Variants in DGKB observed in about 807,000 individuals in gnomAD.
DGKB encodes diacylglycerol kinase beta, also known as 90 kDa diacylglycerol kinase.
Under a neutral mutation model 114.3 loss-of-function variants are expected in DGKB, and 67 were observed. The ratio of observed to expected loss-of-function variants is 0.59; its 90% CI spans 0.48 to 0.72. The LOEUF is 0.72. Among genes scored for constraint, DGKB ranks in the 30% least tolerant of loss-of-function variants. The probability of loss-of-function intolerance (pLI) is 0.00; values close to 1 mark genes in which losing one functional copy is unlikely to be tolerated. For missense variants in DGKB, 907 were observed against 975.2 expected, an observed-to-expected ratio of 0.93 and a Z score of 0.93; for synonymous variants, 398 against 323.1, an observed-to-expected ratio of 1.23 and a Z score of -2.49.
chr7:14,293,286 G>T (rs1238581399), intron 23 of DGKB, among the ~76,000 whole-genome samples: 3 of 152,126 alleles, frequency 2.0e-5, no homozygotes, highest in African/African-American at 2.4e-5. Context: ...ACCTGAATTT[G>T]CAGGTGCATG....
chr7:14,893,754 A>G (rs1424617777), intron 1 of DGKB, among the ~76,000 whole-genome samples: 1 of 151,310 alleles, frequency 6.6e-6, no homozygotes. Flanking sequence ...GTAAATTTCT[A>G]TTCTTCCCTC....
intron 1 of DGKB, among the ~76,000 whole-genome samples, chr7:14,919,193 A>C (rs968882043): frequency 6.6e-6 from 1 of 152,012 alleles, no homozygotes; most frequent in Admixed American, 6.6e-5. Flanking sequence ...ACAAAGTCGG[A>C]GGACTGACAC....
At chr7:14,517,868 G>A (rs1789102607) in intron 20 of DGKB, among the ~76,000 whole-genome samples, 1 of 152,154 alleles carries the variant, frequency 6.6e-6, no homozygotes, top group East Asian at 1.9e-4. Context: ...AGGTGGGAAT[G>A]TAAATGAGTT....
At chr7:14,152,081 C>A (rs1330051338) in intron 25 of DGKB, among the ~76,000 whole-genome samples, 1 of 151,922 alleles carries the variant, frequency 6.6e-6, no homozygotes, top group African/African-American at 2.4e-5. Context: ...ACTCTGATGC[C>A]TGTTTTGTAT....
Position 14,536,139 on chromosome 7 carries a change from A to C in DGKB, c.1770+38073T>G, listed in dbSNP as rs543268430. Among the ~76,000 whole-genome samples, 11 of 152,300 alleles carry C rather than the reference A, an allele frequency of 7.2e-5. 1 individual carries two copies. In the South Asian group the frequency reaches 2.3e-3, roughly 32 times the overall value. On this transcript the variant is annotated intron_variant, in intron 20 of 25. Transcript: ENST00000402815. The stretch of plus-strand genomic sequence containing the variant: ...ACACTTTAAAGATCGGTAATGAATA[A>C]AGAGTTCCAATTAGCAATAAAAACC...
At chr7:14,271,752 C>A (rs200999453) in intron 23 of DGKB, among the ~76,000 whole-genome samples, 1 of 152,130 alleles carries the variant, frequency 6.6e-6, no homozygotes, top group East Asian at 1.9e-4. Flanking sequence ...GGGACTTAGA[C>A]GGGAAAAAGA....
intron 1 of DGKB, among the ~76,000 whole-genome samples, chr7:14,882,109 A>G (rs1420155718): frequency 6.6e-6 from 1 of 152,010 alleles, no homozygotes; most frequent in Non-Finnish European, 1.5e-5. Flanking sequence ...CAGGCAAGAG[A>G]TTTTCATGGT....
intron 17 of DGKB, among the ~76,000 whole-genome samples, chr7:14,599,629 C>A (rs1459035754): frequency 2.0e-5 from 3 of 152,126 alleles, no homozygotes; most frequent in African/African-American, 7.2e-5. Context: ...ATGTATATTT[C>A]ACCTGTTTAT....
intron 25 of DGKB, among the ~76,000 whole-genome samples, chr7:14,149,958 G>A (rs2128209945): frequency 6.6e-6 from 1 of 152,210 alleles, no homozygotes; most frequent in African/African-American, 2.4e-5. Context: ...CCTTAAAGTA[G>A]ATTACGTCTG....
At chr7:14,281,004 A>G (rs1799858747) in intron 23 of DGKB, among the ~76,000 whole-genome samples, 1 of 151,542 alleles carries the variant, frequency 6.6e-6, no homozygotes, top group Admixed American at 6.6e-5. Context: ...AAATTCACAC[A>G]TAACACTATT....
intron 12 of DGKB, among the ~76,000 whole-genome samples, chr7:14,677,625 G>T (rs1334490096): frequency 6.6e-6 from 1 of 151,986 alleles, no homozygotes; most frequent in Non-Finnish European, 1.5e-5. Context: ...TGCCTGACCA[G>T]TGAGAGCTTA....
chr7:14,728,044 C>A (rs559119790), intron 5 of DGKB, among the ~76,000 whole-genome samples: 1 of 152,096 alleles, frequency 6.6e-6, no homozygotes, highest in Non-Finnish European at 1.5e-5. Flanking sequence ...GTACTTGGGG[C>A]GTGACTCAAA....
At chr7:14,712,954 G>A (rs1422474807) in intron 6 of DGKB, among the ~76,000 whole-genome samples, 1 of 151,956 alleles carries the variant, frequency 6.6e-6, no homozygotes, top group East Asian at 1.9e-4. Flanking sequence ...TAGCTGTTTG[G>A]CTGCAAAAAT....
At chr7:14,504,290 C>T (rs1298632408) in intron 20 of DGKB, among the ~76,000 whole-genome samples, 2 of 152,132 alleles carry the variant, frequency 1.3e-5, no homozygotes, top group Non-Finnish European at 2.9e-5. Context: ...TATGGAGTAG[C>T]TGGTTTGGAT....
At chr7:14,514,442 T>C (rs1171552059) in intron 20 of DGKB, among the ~76,000 whole-genome samples, 1 of 152,178 alleles carries the variant, frequency 6.6e-6, no homozygotes, top group African/African-American at 2.4e-5. Context: ...TTGCATTATT[T>C]GGACAATATG....
At chr7:14,714,630 A>C (rs1827896595) in intron 6 of DGKB, among the ~76,000 whole-genome samples, 1 of 152,118 alleles carries the variant, frequency 6.6e-6, no homozygotes, top group South Asian at 2.1e-4. Context: ...GGAAAAAAAA[A>C]CATTATCTGG....
intron 1 of DGKB, among the ~76,000 whole-genome samples, chr7:14,870,127 C>T (rs1458655090): frequency 6.6e-6 from 1 of 152,190 alleles, no homozygotes; most frequent in Middle Eastern, 3.4e-3. Context: ...GTATGAAAAA[C>T]CTTTCTAAAC....
chr7:14,371,654 G>C (rs1817675038), intron 21 of DGKB, among the ~76,000 whole-genome samples: 1 of 151,920 alleles, frequency 6.6e-6, no homozygotes, highest in African/African-American at 2.4e-5. Flanking sequence ...AGTTTCTTTT[G>C]CTAGGCAGAA....
intron 13 of DGKB, among the ~76,000 whole-genome samples, chr7:14,668,100 G>A (rs7801612): frequency 0.84 from 127,817 of 151,856 alleles, 53,869 homozygotes; most frequent in East Asian, 0.9. Context: ...AGAGTGAGAG[G>A]GACTTATAAT....
Sources: allele counts gnomAD v4.1 joint callset (sites outside exome capture counted in the v4.1 genomes callset), GRCh38; gene constraint gnomAD v4.1.1; transcripts MANE v1.5; gene names NCBI Gene and HGNC (gene_info 2026-07-23, HGNC 2026-07-21).